The following SPTBN1 variants were observed in gnomAD, a reference collection of about 807,000 sequenced individuals.
SPTBN1 encodes spectrin beta, non-erythrocytic 1, also known as spectrin beta chain, non-erythrocytic 1.
SPTBN1 carries 32 observed loss-of-function variants against 266.4 expected under a neutral mutation model. That is an observed-to-expected ratio of 0.12 (90% CI 0.09 to 0.16). The LOEUF is 0.16. Ranked by LOEUF, SPTBN1 falls within the 10% of genes least tolerant of loss-of-function variation. SPTBN1 has a pLI of 1.00. For missense variants in SPTBN1, 2,296 were observed against 3,067.1 expected, an observed-to-expected ratio of 0.75 and a Z score of 5.94; for synonymous variants, 1,336 against 1,162.2, an observed-to-expected ratio of 1.15 and a Z score of -3.04.
chr2:54,670,792 C>G lies in SPTBN1; in HGVS notation c.*2223C>G, dbSNP rs1397665235. 1.5e-5 allele frequency: 6 copies of G among 398,424 alleles called. No individual in the cohort carries two copies. In the Admixed American group the frequency reaches 2.2e-4, roughly 15 times the overall value. The allele number at this position is 398,424 out of a possible 1,614,324, so 24.7% of individuals were successfully genotyped here. ...CAGGGTTTGGTGGTATTTGCTCTCT[C>G]TTGGTGCATTTGATAAGGATCCACT... is the stretch of plus-strand genomic sequence containing the variant. On this transcript the variant is annotated 3_prime_UTR_variant, in exon 36 of 36. Transcript: ENST00000356805.
chr2:54,606,275 C>G (rs1558420871), intron 3 of SPTBN1, among the ~76,000 whole-genome samples: 1 of 152,174 alleles, frequency 6.6e-6, no homozygotes, highest in African/African-American at 2.4e-5. Context: ...TATTCTCTTC[C>G]TTAACTTCTC....
intron 2 of SPTBN1, among the ~76,000 whole-genome samples, chr2:54,572,953 A>G (rs1035913963): frequency 6.6e-6 from 1 of 152,196 alleles, no homozygotes; most frequent in African/African-American, 2.4e-5. Flanking sequence ...GGGCTCTAGA[A>G]GCTGACTGCC....
chr2:54,457,631 T>G (rs977716413), intron 1 of SPTBN1, among the ~76,000 whole-genome samples: 2 of 152,190 alleles, frequency 1.3e-5, no homozygotes, highest in African/African-American at 4.8e-5. Context: ...AATGCAGCAG[T>G]ATCGCAGCTT....
chr2:54,601,174 G>A (rs1381751906), intron 3 of SPTBN1, among the ~76,000 whole-genome samples: 1 of 152,108 alleles, frequency 6.6e-6, no homozygotes, highest in Non-Finnish European at 1.5e-5. Context: ...TTAGGCAGTC[G>A]ATATCAGTAG....
chr2:54,596,603 G>A (rs906291866), intron 2 of SPTBN1, among the ~76,000 whole-genome samples: 3 of 152,176 alleles, frequency 2.0e-5, no homozygotes, highest in African/African-American at 7.2e-5. Context: ...GCACTTCGTG[G>A]GGCCTGCTCC....
At chr2:54,555,652 A>G (rs1168805469) in intron 2 of SPTBN1, among the ~76,000 whole-genome samples, 1 of 152,036 alleles carries the variant, frequency 6.6e-6, no homozygotes, top group Non-Finnish European at 1.5e-5. Context: ...CCCTGGCTCA[A>G]AAGTCTCCAG....
intron 32 of SPTBN1, chr2:54,663,381 T>C (rs1308342410): frequency 1.3e-5 from 2 of 152,246 alleles, no homozygotes; most frequent in Admixed American, 6.5e-5. Context: ...CACCCAGCTT[T>C]AGTAACTCGC....
At position 54,657,917 on chromosome 2, in the gene SPTBN1, G is replaced by A. The variant is rs373097815; in HGVS notation, c.6114G>A (p.Pro2038=). The change falls in exon 30 of 36, where the codon CCG becomes CCA. Residue 2038 remains proline, a synonymous_variant. Transcript: ENST00000356805. ...VAEAWLLGQE[P]YLSSREIGQS... The stretch of plus-strand genomic sequence containing the variant: ...AGGCCTGGCTGCTTGGACAGGAGCC[G>A]TACCTATCCAGCCGAGAGATAGGCC... The A allele has an allele frequency of 1.2e-5, 20 of 1,614,224 alleles. No homozygotes were observed. Among genetic ancestry groups the A allele is most frequent in the African/African-American group, 4.0e-5 (3 of 75,054 alleles).
At position 54,660,095 on chromosome 2, in the gene SPTBN1, A is replaced by G. The variant is rs200258511; in HGVS notation, c.6420+96A>G. On this transcript the variant is annotated intron_variant, in intron 32 of 35. Coordinates refer to ENST00000356805, the MANE Select transcript of SPTBN1 (RefSeq NM_003128.3). ...CATGGTCTGGACTGTGAAGTTCACT[A>G]CCATTTGTCAAGAATCACCCTTTCC... 2.0e-5 allele frequency: 33 copies of G among 1,611,896 alleles called. No homozygotes were observed. In the East Asian group the frequency reaches 7.4e-4, roughly 36 times the overall value.
At chr2:54,621,545 C>A in intron 8 of SPTBN1, 33 bp downstream of exon 8, 1 of 1,562,974 alleles carries the variant, frequency 6.4e-7, no homozygotes, top group Non-Finnish European at 8.8e-7. Flanking sequence ...AGTTGTGAGA[C>A]ATAATTAAGG....
At chr2:54,476,127 C>T (rs1667817031) in intron 1 of SPTBN1, among the ~76,000 whole-genome samples, 1 of 150,750 alleles carries the variant, frequency 6.6e-6, no homozygotes, top group Non-Finnish European at 1.5e-5. Context: ...GTGGCTCAAA[C>T]TCACAGATGC....
chr2:54,627,790 C>T (rs571759633), intron 12 of SPTBN1, among the ~76,000 whole-genome samples: 26 of 151,312 alleles, frequency 1.7e-4, no homozygotes, highest in Non-Finnish European at 3.4e-4. Flanking sequence ...CCCCCTCCCC[C>T]CCACCCTGGC....
chr2:54,636,520 TGTGG>T (rs1679152396), intron 17 of SPTBN1, among the ~76,000 whole-genome samples: 1 of 152,128 alleles, frequency 6.6e-6, no homozygotes, highest in African/African-American at 2.4e-5. Context: ...TGAGGGCCCG[TGTGG>T]TGCATGCATC....
intron 2 of SPTBN1, among the ~76,000 whole-genome samples, chr2:54,571,569 ACACACATAC>A (rs1674084883): frequency 6.4e-5 from 2 of 31,214 alleles, no homozygotes; most frequent in Non-Finnish European, 1.4e-4. Flanking sequence ...ACACACACAC[ACACACATAC>A]ACACACACAC....
At chr2:54,616,123 TTATGTA>T in intron 4 of SPTBN1, 78 bp from the exon 5 acceptor site, 1 of 1,108,736 alleles carries the variant, frequency 9.0e-7, no homozygotes. Context: ...AGTTTATTCT[TTATGTA>T]TATGCAGACC....
In SPTBN1 at chr2:54,659,920, C is replaced by T. The variant is rs149568334; in HGVS notation, c.6357-16C>T. On this transcript the variant is annotated splice_polypyrimidine_tract_variant and intron_variant, in intron 31 of 35. Transcript: ENST00000356805. ...TTCTTCCTTTCCCTTCCTCCTTTTC[C>T]CCTCTTCCCTAACAGGGATACTTCA... 2.0e-5 allele frequency: 32 copies of T among 1,611,128 alleles called. No individual in the cohort carries two copies. The African/African-American group carries it at 4.3e-4, about 21-fold the overall frequency.
At chr2:54,609,557 A>C (rs1168261073) in intron 3 of SPTBN1, among the ~76,000 whole-genome samples, 3 of 152,146 alleles carry the variant, frequency 2.0e-5, no homozygotes, top group African/African-American at 4.8e-5. Flanking sequence ...ATTCCATAGC[A>C]TCAACAAATC....
chr2:54,649,529 A>G lies in SPTBN1; in HGVS notation c.5203-86A>G. 8 of 1,520,342 alleles carry G rather than the reference A, an allele frequency of 5.3e-6. No homozygotes were observed. The South Asian group carries it at 9.2e-5, about 17-fold the overall frequency. The allele number at this position is 1,520,342 out of a possible 1,614,324, so 94.2% of individuals were successfully genotyped here. Reference sequence around the variant, plus strand: ...TATTGGCTACATCTTGCTTAGAGGCAGTTTCTTTCCAAAGGGTATTCATGT... The same window carrying G: ...TATTGGCTACATCTTGCTTAGAGGCGGTTTCTTTCCAAAGGGTATTCATGT... On this transcript the variant is annotated intron_variant, in intron 25 of 35. Transcript: ENST00000356805. This position sits in a 1 kb window ranked among gnomAD's most constrained non-coding sequence, Gnocchi z 6.7.
chr2:54,667,675 CT>C, intron 35 of SPTBN1, 29 bp downstream of exon 35: 1 of 1,605,884 alleles, frequency 6.2e-7, no homozygotes, highest in East Asian at 2.2e-5. Context: ...TTTCTCTCCA[CT>C]ACTTAGGAGT....
Sources: allele counts gnomAD v4.1 joint callset (sites outside exome capture counted in the v4.1 genomes callset), GRCh38; gene constraint gnomAD v4.1.1; non-coding constraint Gnocchi (gnomAD v3.1); transcripts MANE v1.5; gene names NCBI Gene and HGNC (gene_info 2026-07-23, HGNC 2026-07-21).